Variants in C8orf34 observed in about 807,000 individuals in gnomAD.
The protein encoded by C8orf34 is uncharacterized protein C8orf34.
C8orf34 carries 65 observed loss-of-function variants against 68.3 expected under a neutral mutation model. The observed-to-expected ratio is 0.95, with a 90% CI of 0.78 to 1.17. The LOEUF is 1.17. Ranked by LOEUF, C8orf34 falls within the 50% of genes most tolerant of loss-of-function variation. The probability of loss-of-function intolerance (pLI) is 0.00; values close to 1 mark genes in which losing one functional copy is unlikely to be tolerated. For missense variants in C8orf34, 664 were observed against 655.4 expected (o/e 1.01, Z -0.14); for synonymous variants, 244 against 241.2 (o/e 1.01, Z -0.11).
intron 7 of C8orf34, among the ~76,000 whole-genome samples, chr8:68,635,256 C>A (rs1818802053): frequency 6.6e-6 from 1 of 152,132 alleles, no homozygotes; most frequent in Non-Finnish European, 1.5e-5. Context: ...TACCAGGATT[C>A]TGTGTCTTAT....
intron 3 of C8orf34, among the ~76,000 whole-genome samples, chr8:68,456,530 A>G (rs536140488): frequency 2.0e-5 from 3 of 152,322 alleles, no homozygotes; most frequent in African/African-American, 7.2e-5. Context: ...ATTTTTACTA[A>G]AATGTATTCT....
At chr8:68,359,234 T>C (rs1458959785) in intron 1 of C8orf34, among the ~76,000 whole-genome samples, 3 of 152,184 alleles carry the variant, frequency 2.0e-5, no homozygotes, top group Non-Finnish European at 4.4e-5. Flanking sequence ...TGATATACTA[T>C]GTTAGCAAGC....
intron 7 of C8orf34, among the ~76,000 whole-genome samples, chr8:68,619,972 T>A (rs1471357872): frequency 6.6e-6 from 1 of 152,088 alleles, no homozygotes; most frequent in East Asian, 1.9e-4. Flanking sequence ...ATAGAAATAG[T>A]CAGAGTGAAG....
chr8:68,621,589 G>C (rs1586465629), intron 7 of C8orf34, among the ~76,000 whole-genome samples: 1 of 152,162 alleles, frequency 6.6e-6, no homozygotes, highest in African/African-American at 2.4e-5. Flanking sequence ...TTTGATAGCT[G>C]TCAGTCTTTA....
Position 68,424,856 on chromosome 8 carries a change from C to T in C8orf34, c.328-14643C>T, listed in dbSNP as rs187785599. On this transcript the variant is annotated intron_variant, in intron 1 of 13. Transcript: ENST00000518698. ...CGGAGCTTGCAGTGAGCTGAGATTG[C>T]GCCACTGCACTCCAGCCTGGGTGAC... is the stretch of plus-strand genomic sequence containing the variant. Among the ~76,000 whole-genome samples the T allele has an allele frequency of 1.4e-3, 211 of 152,132 alleles. 1 individual carries two copies. The highest frequency in any genetic ancestry group is 4.5e-3 in the African/African-American group (186 of 41,516).
intron 6 of C8orf34, among the ~76,000 whole-genome samples, chr8:68,530,157 C>G (rs1248448871): frequency 6.6e-6 from 1 of 151,696 alleles, no homozygotes; most frequent in Non-Finnish European, 1.5e-5. Context: ...TTAAACAGAC[C>G]TAAGTAGAGC....
chr8:68,686,809 C>A (rs1820532663), intron 8 of C8orf34, among the ~76,000 whole-genome samples: 1 of 152,036 alleles, frequency 6.6e-6, no homozygotes, highest in Non-Finnish European at 1.5e-5. Flanking sequence ...AAAAGGCATT[C>A]AAATTGGAAA....
chr8:68,718,842 C>A (rs1451673119), intron 9 of C8orf34, among the ~76,000 whole-genome samples: 1 of 152,138 alleles, frequency 6.6e-6, no homozygotes, highest in Non-Finnish European at 1.5e-5. Flanking sequence ...ACTCCTGCCA[C>A]AGATTATTAG....
At chr8:68,810,757 A>G (rs938065552) in intron 12 of C8orf34, among the ~76,000 whole-genome samples, 4 of 152,154 alleles carry the variant, frequency 2.6e-5, no homozygotes, top group Non-Finnish European at 5.9e-5. Flanking sequence ...ACATCTGCTC[A>G]GCTCTCGCCT....
chr8:68,358,896 C>T (rs1391440202), intron 1 of C8orf34, among the ~76,000 whole-genome samples: 1 of 151,996 alleles, frequency 6.6e-6, no homozygotes, highest in African/African-American at 2.4e-5. Flanking sequence ...CACGGTTTCA[C>T]TGTTGTTGGT....
chr8:68,757,469 A>G (rs1344963609), intron 10 of C8orf34, among the ~76,000 whole-genome samples: 1 of 152,110 alleles, frequency 6.6e-6, no homozygotes, highest in Non-Finnish European at 1.5e-5. Flanking sequence ...GTCTCTACTA[A>G]AAATACAAAA....
intron 7 of C8orf34, among the ~76,000 whole-genome samples, chr8:68,591,325 A>T (rs576618861): frequency 7.2e-5 from 11 of 152,290 alleles, no homozygotes; most frequent in African/African-American, 1.9e-4. Context: ...TTTTCTTTGC[A>T]TATTTGGGCA....
At chr8:68,693,805 C>T (rs995435577) in intron 8 of C8orf34, among the ~76,000 whole-genome samples, 11 of 152,006 alleles carry the variant, frequency 7.2e-5, no homozygotes, top group South Asian at 2.1e-4. Flanking sequence ...AGCTTAGGGT[C>T]CTTGGACAGG....
intron 1 of C8orf34, among the ~76,000 whole-genome samples, chr8:68,379,046 C>T (rs1470548091): frequency 6.6e-6 from 1 of 152,144 alleles, no homozygotes; most frequent in African/African-American, 2.4e-5. Context: ...TTTTCAAACT[C>T]ATTCTTTAGG....
At chr8:68,626,562 C>G (rs964485190) in intron 7 of C8orf34, among the ~76,000 whole-genome samples, 2 of 152,022 alleles carry the variant, frequency 1.3e-5, no homozygotes, top group Non-Finnish European at 2.9e-5. Context: ...TGCAGAAGCA[C>G]TTATAAAAAT....
At chr8:68,358,460 A>T (rs988623232) in intron 1 of C8orf34, among the ~76,000 whole-genome samples, 1 of 151,298 alleles carries the variant, frequency 6.6e-6, no homozygotes, top group African/African-American at 2.4e-5. Context: ...ACTCAATCCC[A>T]ATAGCCTCCT....
intron 7 of C8orf34, among the ~76,000 whole-genome samples, chr8:68,544,163 G>A (rs190373955): frequency 5.9e-5 from 9 of 152,256 alleles, no homozygotes; most frequent in South Asian, 2.1e-4. Flanking sequence ...TCTTGGGTTC[G>A]TAGCTCAATA....
intron 5 of C8orf34, among the ~76,000 whole-genome samples, chr8:68,514,715 A>G (rs1814429844): frequency 1.3e-5 from 2 of 152,222 alleles, no homozygotes; most frequent in Admixed American, 6.5e-5. Context: ...TTTCTAGCCT[A>G]TAGGACATGG....
intron 1 of C8orf34, among the ~76,000 whole-genome samples, chr8:68,362,431 C>T (rs142776662): frequency 6.6e-6 from 1 of 152,154 alleles, no homozygotes; most frequent in Non-Finnish European, 1.5e-5. Flanking sequence ...GCCAAGATGG[C>T]CGAATAGGAA....
Sources: gnomAD v4.1 joint callset for allele counts (sites outside exome capture counted in the v4.1 genomes callset) on GRCh38, gnomAD v4.1.1 for gene constraint, MANE v1.5 for transcripts, NCBI Gene and HGNC (gene_info 2026-07-23, HGNC 2026-07-21) for gene names.